The following CYLD variants were observed in gnomAD, a reference collection of about 807,000 sequenced individuals.
CYLD encodes ubiquitin carboxyl-terminal hydrolase CYLD.
A neutral mutation model predicts 104.5 loss-of-function variants in CYLD; 26 were observed. That is an observed-to-expected ratio of 0.25 (90% confidence interval 0.18 to 0.35). The LOEUF (loss-of-function observed/expected upper bound fraction) is 0.35, where lower values mean the gene tolerates loss of function less well. Ranked by LOEUF, CYLD falls within the 10% of genes least tolerant of loss-of-function variation. The probability of loss-of-function intolerance (pLI) is 1.00; values close to 1 mark genes in which losing one functional copy is unlikely to be tolerated. For missense variants in CYLD, 703 were observed against 1,136.1 expected (o/e 0.62, Z 5.48); for synonymous variants, 385 against 399.9 (o/e 0.96, Z 0.45).
chr16:50,749,615 C>T lies in CYLD; in HGVS notation c.-84C>T, dbSNP rs542958352. 107 of 1,383,070 alleles carry T rather than the reference C, an allele frequency of 7.7e-5. No homozygotes were observed. In the African/African-American group the frequency reaches 1.3e-3, roughly 17 times the overall value. 85.7% of individuals were successfully genotyped at this position (1,383,070 alleles called of 1,614,324 possible). A position where few individuals can be genotyped will look rare whatever the true frequency, so the allele number is the denominator to read the frequency against. On this transcript the variant is annotated 5_prime_UTR_variant, in exon 3 of 19. Coordinates refer to ENST00000427738, the MANE Select transcript of CYLD (RefSeq NM_001378743.1). ...TGCTGAAAACATGCTTTGGGACTGC[C>T]ACTGAATTTATCTTTTGCGGTTTTA...
intron 7 of CYLD, among the ~76,000 whole-genome samples, chr16:50,776,830 G>T (rs1292421178): frequency 6.6e-6 from 1 of 152,148 alleles, no homozygotes; most frequent in Non-Finnish European, 1.5e-5. Flanking sequence ...AAGGCTCTGA[G>T]AATTTTTGTT....
chr16:50,755,686 T>C (rs781163489), intron 5 of CYLD, among the ~76,000 whole-genome samples: 8 of 152,180 alleles, frequency 5.3e-5, no homozygotes, highest in Non-Finnish European at 1.2e-4. Context: ...CTTTTGATAA[T>C]TGTCTAAAAG....
chr16:50,752,412 T>G (rs1966706644), intron 4 of CYLD, among the ~76,000 whole-genome samples: 1 of 152,198 alleles, frequency 6.6e-6, no homozygotes, highest in Admixed American at 6.5e-5. Context: ...AATAATCATT[T>G]ATAGAAAATA....
rs765645251 is a variant in CYLD, at chr16:50,794,247, T to C, written c.2505T>C (p.Tyr835=). 5.0e-6 allele frequency: 8 copies of C among 1,614,200 alleles called. No individual in the cohort carries two copies. Among genetic ancestry groups the C allele is most frequent in the Non-Finnish European group, 5.9e-6 (7 of 1,180,018 alleles). The change falls in exon 18 of 19, where the codon TAT becomes TAC. Residue 835 remains tyrosine, a synonymous_variant. Coordinates refer to ENST00000427738, the MANE Select transcript of CYLD (RefSeq NM_001378743.1). The surrounding 1 kb of genome is among the most constrained non-coding windows in gnomAD (Gnocchi z 4.1). ...HLHPKRLNHK[Y]NPVSLPKDLP... ...ATCCGAAGAGGCTGAATCATAAATA[T>C]AACCCAGTGTCACTTCCCAAAGACT...
chr16:50,777,734 ACAT>A (rs1375490949), intron 7 of CYLD, 88 bp from the exon 8 acceptor site: 3 of 748,504 alleles, frequency 4.0e-6, no homozygotes, highest in Non-Finnish European at 7.3e-6. Flanking sequence ...ACAGTTATTA[ACAT>A]CATATTCATA....
At chr16:50,790,306 T>A (rs1971297283) in intron 14 of CYLD, among the ~76,000 whole-genome samples, 1 of 152,162 alleles carries the variant, frequency 6.6e-6, no homozygotes, top group African/African-American at 2.4e-5. Context: ...GTAAATTGTC[T>A]TCTCCATCCT....
intron 18 of CYLD, chr16:50,795,610 C>T: frequency 1.4e-6 from 1 of 703,004 alleles, no homozygotes; most frequent in Non-Finnish European, 2.6e-6. Flanking sequence ...CTAAGACATT[C>T]CCTGTGGCAG....
At position 50,801,461 on chromosome 16, in the gene CYLD, A is replaced by G. The variant is rs1212972759; in HGVS notation, c.*4953A>G. On this transcript the variant is annotated 3_prime_UTR_variant, in exon 19 of 19. Transcript: ENST00000427738. ...TTCAAGCACCACAGCTTCAGATAAA[A>G]TTAGTACTTTCAAATATTGTCCACT... The G allele has an allele frequency of 8.6e-6, 2 of 233,762 alleles. No homozygotes were observed. Among genetic ancestry groups the G allele is most frequent in the Admixed American group, 1.1e-4 (2 of 17,790 alleles). The allele number at this position is 233,762 out of a possible 1,614,324, so 14.5% of individuals were successfully genotyped here.
In CYLD at chr16:50,782,358, A is replaced by T. The variant is rs767615668; in HGVS notation, c.1718A>T (p.Glu573Val). ...FGGYLSEVVE[E>V]NTPPKMEKEG... ...GGCTACTTAAGTGAAGTAGTAGAAGAAAATACTCCACCAAAAATGGAAAAA... is the reference window on the plus strand; with the variant it reads ...GGCTACTTAAGTGAAGTAGTAGAAGTAAATACTCCACCAAAAATGGAAAAA... The change falls in exon 11 of 19, where the codon GAA becomes GTA. Residue 573 changes from glutamate to valine, a missense_variant. This residue lies in a region of CYLD where 125 missense variants were observed against 325.4 expected (regional missense o/e 0.38). Transcript: ENST00000427738. 1 of 1,613,252 alleles carries T rather than the reference A, an allele frequency of 6.2e-7. No individual in the cohort carries two copies. Among genetic ancestry groups the T allele is most frequent in the South Asian group, 1.1e-5 (1 of 91,064 alleles).
intron 15 of CYLD, among the ~76,000 whole-genome samples, chr16:50,792,019 C>A (rs1971480259): frequency 6.6e-6 from 1 of 152,098 alleles, no homozygotes; most frequent in African/African-American, 2.4e-5. Flanking sequence ...CCAAATACAT[C>A]AAAATATAAT....
chr16:50,785,535 T>A (rs1340287828), intron 12 of CYLD: 1 of 152,196 alleles, frequency 6.6e-6, no homozygotes, highest in East Asian at 1.9e-4. Context: ...AACATACGAT[T>A]TTTTTCCCCC....
In CYLD at chr16:50,788,197, C is replaced by G. The variant is rs926533451; in HGVS notation, c.2108+345C>G. ...TATCTCATTCTAACTTAATCAGACA[C>G]TTCAAGAAGACTGTTTTCTGTCTAC... On this transcript the variant is annotated intron_variant, in intron 14 of 18. Transcript: ENST00000427738. Among the ~76,000 whole-genome samples the G allele has an allele frequency of 1.2e-4, 18 of 152,146 alleles. 1 individual carries two copies. Among genetic ancestry groups the G allele is most frequent in the African/African-American group, 4.3e-4 (18 of 41,428 alleles).
intron 5 of CYLD, among the ~76,000 whole-genome samples, chr16:50,754,914 T>G (rs1458994418): frequency 6.7e-6 from 1 of 148,784 alleles, no homozygotes; most frequent in Non-Finnish European, 1.5e-5. Flanking sequence ...CACACATATA[T>G]GTATACATAT....
At chr16:50,784,772 A>G in intron 12 of CYLD, 1 of 285,214 alleles carries the variant, frequency 3.5e-6, no homozygotes, top group South Asian at 3.5e-5. Context: ...CTTTTGAAAT[A>G]GTTTATTCCA....
intron 9 of CYLD, 131 bp from the exon 10 acceptor site, chr16:50,781,115 G>C: frequency 1.1e-6 from 1 of 940,482 alleles, no homozygotes; most frequent in Non-Finnish European, 1.7e-6. Flanking sequence ...TCTTGATGAG[G>C]TTCTCAGTAC....
intron 6 of CYLD, 84 bp downstream of exon 6, chr16:50,775,258 A>G: frequency 2.0e-6 from 2 of 1,025,132 alleles, no homozygotes; most frequent in South Asian, 2.6e-5. Flanking sequence ...TGCCTCTTCT[A>G]CATTCCCTTG....
chr16:50,754,851 G>GTA (rs940701480), intron 5 of CYLD, among the ~76,000 whole-genome samples: 14 of 145,418 alleles, frequency 9.6e-5, no homozygotes, highest in South Asian at 2.1e-4. Context: ...CATGGTGTAT[G>GTA]TATATATATA....
intron 5 of CYLD, among the ~76,000 whole-genome samples, chr16:50,768,842 T>C (rs1422834051): frequency 6.6e-6 from 1 of 152,114 alleles, no homozygotes; most frequent in Non-Finnish European, 1.5e-5. Flanking sequence ...CCAAAATATG[T>C]CCCTTGGGAT....
At chr16:50,746,000 A>G (rs568029030) in intron 2 of CYLD, among the ~76,000 whole-genome samples, 2 of 152,238 alleles carry the variant, frequency 1.3e-5, no homozygotes, top group African/African-American at 4.8e-5. Flanking sequence ...TGGTATTTTG[A>G]GTACATAAAA....
Sources: gnomAD v4.1 joint callset for allele counts (sites outside exome capture counted in the v4.1 genomes callset) on GRCh38, gnomAD v4.1.1 for gene constraint, gnomAD v4.1.1 regional missense constraint, Gnocchi (gnomAD v3.1) non-coding constraint, MANE v1.5 for transcripts, NCBI Gene and HGNC (gene_info 2026-07-23, HGNC 2026-07-21) for gene names.